The following ZNF385D variants were observed in gnomAD, a reference collection of about 807,000 sequenced individuals.
The protein encoded by ZNF385D is zinc finger protein 659.
Under a neutral mutation model 35.8 loss-of-function variants are expected in ZNF385D, and 15 were observed. The ratio of observed to expected loss-of-function variants is 0.42; its 90% CI spans 0.28 to 0.64. The LOEUF is 0.64. Among genes scored for constraint, ZNF385D ranks in the 30% least tolerant of loss-of-function variants. The probability of loss-of-function intolerance (pLI) is 0.23; values close to 1 mark genes in which losing one functional copy is unlikely to be tolerated. For missense variants in ZNF385D, 474 were observed against 494.6 expected, an observed-to-expected ratio of 0.96 and a Z score of 0.39; for synonymous variants, 212 against 186.8, an observed-to-expected ratio of 1.13 and a Z score of -1.10.
intron 3 of ZNF385D, among the ~76,000 whole-genome samples, chr3:22,113,666 G>C (rs1178972204): frequency 6.6e-6 from 1 of 152,198 alleles, no homozygotes; most frequent in African/African-American, 2.4e-5. Flanking sequence ...TACTAGGAGT[G>C]TCTTAGAAGC....
chr3:21,515,193 A>G (rs141402393), intron 3 of ZNF385D, among the ~76,000 whole-genome samples: 2 of 152,328 alleles, frequency 1.3e-5, no homozygotes, highest in Admixed American at 1.3e-4. Flanking sequence ...ATGCTCATGC[A>G]CATTTATCTT....
intron 4 of ZNF385D, among the ~76,000 whole-genome samples, chr3:21,446,176 G>A (rs141468780): frequency 2.8e-3 from 422 of 152,314 alleles, no homozygotes; most frequent in Middle Eastern, 6.8e-3. Flanking sequence ...GCTGATCTGA[G>A]AACCACACTT....
chr3:22,301,645 T>C (rs1383637981), intron 2 of ZNF385D, among the ~76,000 whole-genome samples: 1 of 152,064 alleles, frequency 6.6e-6, no homozygotes, highest in Non-Finnish European at 1.5e-5. Flanking sequence ...GTCTAGGTAC[T>C]TACCAACAGG....
At chr3:22,085,862 A>T (rs1262029673) in intron 3 of ZNF385D, among the ~76,000 whole-genome samples, 1 of 152,244 alleles carries the variant, frequency 6.6e-6, no homozygotes, top group Non-Finnish European at 1.5e-5. Flanking sequence ...CACCATGATC[A>T]AGTCAGCTTC....
chr3:22,366,206 C>T (rs1696649358), intron 2 of ZNF385D, among the ~76,000 whole-genome samples: 1 of 151,934 alleles, frequency 6.6e-6, no homozygotes, highest in Non-Finnish European at 1.5e-5. Context: ...CTTCCTTGCC[C>T]CTAAAATGCT....
chr3:21,791,414 A>C (rs572522150), intron 3 of ZNF385D, among the ~76,000 whole-genome samples: 2 of 152,336 alleles, frequency 1.3e-5, no homozygotes, highest in South Asian at 2.1e-4. Flanking sequence ...TAGTGACAAG[A>C]AGCAGGAGGT....
intron 3 of ZNF385D, among the ~76,000 whole-genome samples, chr3:22,139,789 T>C (rs1292957020): frequency 1.3e-5 from 2 of 152,044 alleles, no homozygotes; most frequent in East Asian, 3.9e-4. Flanking sequence ...GAATAGTTCA[T>C]TAAGTAGAGA....
At chr3:21,453,864 T>C (rs1000991122) in intron 4 of ZNF385D, among the ~76,000 whole-genome samples, 1 of 152,032 alleles carries the variant, frequency 6.6e-6, no homozygotes, top group African/African-American at 2.4e-5. Flanking sequence ...AATATATACC[T>C]AAAATAACTA....
At chr3:21,469,932 G>GA (rs11382481) in intron 4 of ZNF385D, among the ~76,000 whole-genome samples, 70,470 of 150,522 alleles carry the variant, frequency 0.47, 16,793 homozygotes, top group Middle Eastern at 0.55. Flanking sequence ...GGTGCTTTAA[G>GA]AAAAAAAAAA....
chr3:21,824,444 C>A (rs201190073), intron 3 of ZNF385D, among the ~76,000 whole-genome samples: 34,041 of 109,812 alleles, frequency 0.31, 4,283 homozygotes, highest in East Asian at 0.46. Flanking sequence ...TTTAAAAGGT[C>A]TCTCCCTTTC....
At chr3:21,449,036 A>T (rs1702303778) in intron 4 of ZNF385D, among the ~76,000 whole-genome samples, 1 of 152,056 alleles carries the variant, frequency 6.6e-6, no homozygotes, top group African/African-American at 2.4e-5. Flanking sequence ...TCATTTAAAA[A>T]TTGTTTATTT....
At chr3:22,330,551 A>G (rs1048002221) in intron 2 of ZNF385D, among the ~76,000 whole-genome samples, 1 of 152,092 alleles carries the variant, frequency 6.6e-6, no homozygotes, top group Non-Finnish European at 1.5e-5. Context: ...TCTTATAATG[A>G]TATTTCAGGG....
chr3:21,494,730 A>G (rs569074967), intron 4 of ZNF385D, among the ~76,000 whole-genome samples: 6 of 152,278 alleles, frequency 3.9e-5, no homozygotes, highest in Non-Finnish European at 7.4e-5. Flanking sequence ...CCACTTTATC[A>G]CAGCTTTTTG....
At chr3:21,685,081 T>A (rs1056148923) in intron 1 of ZNF385D, among the ~76,000 whole-genome samples, 4 of 152,230 alleles carry the variant, frequency 2.6e-5, no homozygotes, top group African/African-American at 9.6e-5. Context: ...TAAAGGAATA[T>A]ACGTTTTTAA....
chr3:21,622,664 C>T (rs1214028703), intron 2 of ZNF385D, among the ~76,000 whole-genome samples: 8 of 151,992 alleles, frequency 5.3e-5, no homozygotes, highest in Non-Finnish European at 8.8e-5. Context: ...GAATTCAGTC[C>T]ATCCATATAG....
chr3:21,490,791 A>T lies in ZNF385D; in HGVS notation c.439+20070T>A, dbSNP rs1705378155. On this transcript the variant is annotated intron_variant, in intron 4 of 7. Transcript: ENST00000281523. ...GACTTGGCTCCTTTTCTTCATATGT[A>T]GTTATAAATTAATGCGTACAGTGAT... Among the ~76,000 whole-genome samples, 3 of 146,414 alleles carry T rather than the reference A, an allele frequency of 2.0e-5. No homozygotes were observed. The South Asian group carries it at 6.8e-4, about 33-fold the overall frequency.
At chr3:21,994,137 C>T (rs1008868672) in intron 3 of ZNF385D, among the ~76,000 whole-genome samples, 4 of 152,190 alleles carry the variant, frequency 2.6e-5, no homozygotes, top group Non-Finnish European at 5.9e-5. Context: ...CTTGCTGCAG[C>T]AAGCTAAACA....
At chr3:21,956,261 G>C (rs1702281007) in intron 3 of ZNF385D, among the ~76,000 whole-genome samples, 1 of 151,810 alleles carries the variant, frequency 6.6e-6, no homozygotes, top group Non-Finnish European at 1.5e-5. Flanking sequence ...AAAAGAACCT[G>C]AGTTTATTTA....
chr3:21,432,967 G>A (rs1391632075), intron 5 of ZNF385D, among the ~76,000 whole-genome samples: 1 of 119,940 alleles, frequency 8.3e-6, no homozygotes, highest in Non-Finnish European at 1.9e-5. Flanking sequence ...CTGTGGTCAT[G>A]CTAATAATCA....
Sources: gnomAD v4.1 joint callset for allele counts (sites outside exome capture counted in the v4.1 genomes callset) on GRCh38, gnomAD v4.1.1 for gene constraint, MANE v1.5 for transcripts, NCBI Gene and HGNC (gene_info 2026-07-23, HGNC 2026-07-21) for gene names.